LIN54: variants seen among roughly 807,000 people sequenced by gnomAD.
LIN54 encodes protein lin-54 homolog.
A neutral mutation model predicts 78.7 loss-of-function variants in LIN54; 9 were observed. The ratio of observed to expected loss-of-function variants is 0.11; its 90% confidence interval spans 0.07 to 0.20. The LOEUF (loss-of-function observed/expected upper bound fraction) is 0.20. Ranked by LOEUF, LIN54 falls within the 10% of genes least tolerant of loss-of-function variation. The pLI is 1.00. For synonymous variants in LIN54, 269 were observed against 318.4 expected (o/e 0.84, Z 1.65); for missense variants, 573 against 889.9 (o/e 0.64, Z 4.53).
chr4:82,942,966 G>C (rs929951811), intron 5 of LIN54, among the ~76,000 whole-genome samples: 1 of 150,704 alleles, frequency 6.6e-6, no homozygotes, highest in Non-Finnish European at 1.5e-5. Context: ...CTTGCATACT[G>C]AGTTTTCACT....
At chr4:82,971,174 C>T (rs1725618768) in intron 3 of LIN54, among the ~76,000 whole-genome samples, 1 of 152,152 alleles carries the variant, frequency 6.6e-6, no homozygotes, top group African/African-American at 2.4e-5. Flanking sequence ...TCTTCAAATT[C>T]TTGAAGACTG....
upstream of LIN54, chr4:83,011,891 T>A (rs762142471): frequency 3.5e-6 from 1 of 288,372 alleles, no homozygotes; most frequent in Non-Finnish European, 5.2e-6. Flanking sequence ...TTCTGTATCA[T>A]TCAACCACAA....
chr4:82,999,921 C>T (rs899367786), intron 1 of LIN54, among the ~76,000 whole-genome samples: 6 of 152,094 alleles, frequency 3.9e-5, no homozygotes, highest in African/African-American at 1.4e-4. Flanking sequence ...GAGACAGGGT[C>T]TCACTCTGTC....
intron 4 of LIN54, among the ~76,000 whole-genome samples, chr4:82,957,115 C>T (rs1288730784): frequency 6.6e-6 from 1 of 152,180 alleles, no homozygotes; most frequent in Non-Finnish European, 1.5e-5. Flanking sequence ...GTATTCATTA[C>T]CACCACAATT....
rs146443126 is a variant in LIN54 at position 82,963,214 on chromosome 4, G to A, written c.951+7113C>T. Among the ~76,000 whole-genome samples the A allele has an allele frequency of 3.2e-4, 48 of 152,082 alleles. No individual in the cohort carries two copies. The East Asian group carries it at 9.1e-3, about 29-fold the overall frequency. On this transcript the variant is annotated intron_variant, in intron 4 of 12. Transcript: ENST00000340417. The stretch of plus-strand genomic sequence containing the variant: ...AATAAATGACATCTTTAAAGTACTC[G>A]CAGAAAAACTCTCAATTCTTTACCC...
chr4:82,947,729 A>G (rs2126046601), intron 4 of LIN54, among the ~76,000 whole-genome samples: 1 of 152,252 alleles, frequency 6.6e-6, no homozygotes, highest in East Asian at 1.9e-4. Flanking sequence ...AATGTACAAC[A>G]CACTGTCATA....
chr4:83,010,260 G>C lies in LIN54; in HGVS notation c.-33+224C>G, dbSNP rs540518579. Reference sequence around the variant, plus strand: ...TATCAGGAAATCATGATAAGTGCTAGCGGTTCCTCTAGGCCTCAGCAGCAG... The same window carrying C: ...TATCAGGAAATCATGATAAGTGCTACCGGTTCCTCTAGGCCTCAGCAGCAG... On this transcript the variant is annotated intron_variant, in intron 1 of 12. Coordinates refer to ENST00000340417, the MANE Select transcript of LIN54 (RefSeq NM_194282.4). Among the ~76,000 whole-genome samples the C allele has an allele frequency of 1.1e-3, 170 of 152,290 alleles. 1 individual carries two copies. The highest frequency in any genetic ancestry group is 4.0e-3 in the African/African-American group (165 of 41,564).
intron 11 of LIN54, among the ~76,000 whole-genome samples, chr4:82,935,589 T>C (rs1177608301): frequency 6.6e-6 from 1 of 152,046 alleles, no homozygotes; most frequent in South Asian, 2.1e-4. Flanking sequence ...CACCCGGCCA[T>C]ATATTTCTAA....
intron 12 of LIN54, among the ~76,000 whole-genome samples, chr4:82,930,689 A>G (rs969705801): frequency 3.9e-5 from 6 of 152,208 alleles, no homozygotes; most frequent in African/African-American, 1.2e-4. Context: ...CTCAAATTAC[A>G]TAATTACCTC....
chr4:82,927,282 G>A lies in LIN54; in HGVS notation c.*820C>T, dbSNP rs913780849. 4 of 151,932 alleles carry A rather than the reference G, an allele frequency of 2.6e-5. No individual in the cohort carries two copies. The highest frequency in any genetic ancestry group is 7.3e-5 in the African/African-American group (3 of 41,342). 9.4% of individuals were successfully genotyped at this position (151,932 alleles called of 1,614,324 possible). Reference sequence around the variant, plus strand: ...ATTTTATACTTGATTACTATGTGAGGTTCTATATTATCACTACATAATGTT... The same window carrying A: ...ATTTTATACTTGATTACTATGTGAGATTCTATATTATCACTACATAATGTT... On this transcript the variant is annotated 3_prime_UTR_variant, in exon 13 of 13. Coordinates refer to ENST00000340417, the MANE Select transcript of LIN54 (RefSeq NM_194282.4).
chr4:82,991,789 T>A (rs190645611), intron 1 of LIN54, among the ~76,000 whole-genome samples: 1 of 152,186 alleles, frequency 6.6e-6, no homozygotes, highest in Non-Finnish European at 1.5e-5. Flanking sequence ...ATTATATTAA[T>A]TTTTGATTAA....
chr4:83,003,642 C>T (rs1729053232), intron 1 of LIN54: 1 of 152,238 alleles, frequency 6.6e-6, no homozygotes, highest in Non-Finnish European at 1.5e-5. Context: ...CCTCCCACCT[C>T]AGCCTCTGAA....
intron 4 of LIN54, among the ~76,000 whole-genome samples, chr4:82,961,813 G>A (rs1279988754): frequency 6.6e-6 from 1 of 152,050 alleles, no homozygotes; most frequent in African/African-American, 2.4e-5. Context: ...AAATTAGCCA[G>A]GCTGTAGTGG....
At chr4:83,005,603 C>A (rs577638361) in intron 1 of LIN54, among the ~76,000 whole-genome samples, 1 of 144,428 alleles carries the variant, frequency 6.9e-6, no homozygotes, top group Admixed American at 7.2e-5. Context: ...CCAGCCTCAG[C>A]GACAGAGCAA....
intron 4 of LIN54, among the ~76,000 whole-genome samples, chr4:82,963,342 T>A (rs901829916): frequency 5.3e-5 from 8 of 152,132 alleles, no homozygotes; most frequent in South Asian, 2.1e-4. Flanking sequence ...AGAAACATTT[T>A]AAAAAGTTCT....
chr4:82,992,034 A>G (rs1393891530), intron 1 of LIN54, among the ~76,000 whole-genome samples: 1 of 152,110 alleles, frequency 6.6e-6, no homozygotes, highest in Non-Finnish European at 1.5e-5. Context: ...AATCGTCTCT[A>G]TTTCCTCCTT....
intron 4 of LIN54, among the ~76,000 whole-genome samples, chr4:82,947,219 A>ATT (rs1279579572): frequency 5.1e-4 from 6 of 11,690 alleles, no homozygotes; most frequent in African/African-American, 1.6e-3. Context: ...ATATATATAT[A>ATT]TATATATATA....
At chr4:82,953,060 C>A (rs1723971371) in intron 4 of LIN54, among the ~76,000 whole-genome samples, 1 of 152,178 alleles carries the variant, frequency 6.6e-6, no homozygotes, top group African/African-American at 2.4e-5. Context: ...ACTCGCGAGG[C>A]AGCGATTGCT....
At chr4:82,942,438 G>A (rs1478368066) in intron 5 of LIN54, among the ~76,000 whole-genome samples, 3 of 152,232 alleles carry the variant, frequency 2.0e-5, no homozygotes, top group Non-Finnish European at 4.4e-5. Flanking sequence ...TACAAAAAGA[G>A]TGTAAGACTC....
Sources: gnomAD v4.1 joint callset for allele counts (sites outside exome capture counted in the v4.1 genomes callset) on GRCh38, gnomAD v4.1.1 for gene constraint, MANE v1.5 for transcripts, NCBI Gene and HGNC (gene_info 2026-07-23, HGNC 2026-07-21) for gene names.